Variants in AKAP19 observed in about 807,000 individuals in gnomAD.
The protein encoded by AKAP19 is small A-kinase anchoring protein.
chr2:190,081,331 G>A, the AKAP19 span, among the ~76,000 whole-genome samples: 2 of 151,612 alleles, frequency 1.3e-5, no homozygotes, highest in Non-Finnish European at 2.9e-5. Context: ...ATTTTCATCT[G>A]CATTACAAGA....
the AKAP19 span, among the ~76,000 whole-genome samples, chr2:190,134,007 G>A: frequency 2.6e-5 from 4 of 152,148 alleles, no homozygotes; most frequent in African/African-American, 9.7e-5. Context: ...ACAAATACAT[G>A]AGGTAATACA....
chr2:189,895,432 C>T, the AKAP19 span, among the ~76,000 whole-genome samples: 2 of 152,118 alleles, frequency 1.3e-5, no homozygotes, highest in Non-Finnish European at 2.9e-5. Flanking sequence ...TCTTATATTG[C>T]TTCACTTCTC....
At chr2:189,991,568 T>C in the AKAP19 span, among the ~76,000 whole-genome samples, 1 of 152,196 alleles carries the variant, frequency 6.6e-6, no homozygotes, top group Admixed American at 6.5e-5. Flanking sequence ...TGCTGATTTG[T>C]TTGAATTCTT....
the AKAP19 span, among the ~76,000 whole-genome samples, chr2:189,896,025 A>C: frequency 6.9e-6 from 1 of 145,238 alleles, no homozygotes; most frequent in Non-Finnish European, 1.5e-5. Context: ...AAAAAAAAAA[A>C]CATACTGCTA....
the AKAP19 span, among the ~76,000 whole-genome samples, chr2:190,175,444 A>G: frequency 1.3e-5 from 2 of 152,366 alleles, no homozygotes; most frequent in Admixed American, 1.3e-4. Flanking sequence ...TTACACGGTC[A>G]GGAGATACTA....
At chr2:190,126,453 A>T in the AKAP19 span, among the ~76,000 whole-genome samples, 1 of 151,958 alleles carries the variant, frequency 6.6e-6, no homozygotes, top group Non-Finnish European at 1.5e-5. Flanking sequence ...CTTGAGAAGA[A>T]AAAAAGCTTA....
the AKAP19 span, chr2:190,181,046 G>T: frequency 1.9e-5 from 19 of 985,466 alleles, no homozygotes; most frequent in African/African-American, 3.0e-4. Flanking sequence ...AGCGCAGGCT[G>T]CCTCCGGGAC....
chr2:190,124,595 A>G, the AKAP19 span, among the ~76,000 whole-genome samples: 2 of 152,182 alleles, frequency 1.3e-5, no homozygotes, highest in African/African-American at 4.8e-5. Flanking sequence ...CTGTAGCCCC[A>G]GCTACTCAGA....
the AKAP19 span, chr2:190,199,648 C>T: frequency 2.4e-6 from 3 of 1,233,514 alleles, no homozygotes; most frequent in Non-Finnish European, 2.1e-6. Flanking sequence ...CAATCATACA[C>T]TATTTTGCAT....
the AKAP19 span, among the ~76,000 whole-genome samples, chr2:189,980,281 G>A: frequency 5.3e-5 from 8 of 152,250 alleles, no homozygotes; most frequent in South Asian, 1.7e-3. Flanking sequence ...GTAAATGAAG[G>A]CCATTATCCT....
At chr2:190,092,441 A>G in the AKAP19 span, among the ~76,000 whole-genome samples, 1 of 151,968 alleles carries the variant, frequency 6.6e-6, no homozygotes, top group South Asian at 2.1e-4. Context: ...ACAGGGATCC[A>G]CCGTTTTGTC....
At chr2:190,044,726 T>A in the AKAP19 span, among the ~76,000 whole-genome samples, 1 of 152,208 alleles carries the variant, frequency 6.6e-6, no homozygotes, top group Non-Finnish European at 1.5e-5. Flanking sequence ...TGGGGCCTAG[T>A]TGCCTAGGCC....
the AKAP19 span, among the ~76,000 whole-genome samples, chr2:189,904,745 T>G: frequency 4.6e-5 from 7 of 152,062 alleles, no homozygotes; most frequent in East Asian, 1.3e-3. Context: ...GATAATTTTA[T>G]GTATTACAAA....
chr2:190,133,782 G>A, the AKAP19 span, among the ~76,000 whole-genome samples: 1 of 152,172 alleles, frequency 6.6e-6, no homozygotes, highest in African/African-American at 2.4e-5. Flanking sequence ...TGGACTCTAG[G>A]AGAGTTGAAC....
the AKAP19 span, among the ~76,000 whole-genome samples, chr2:189,915,396 C>G: frequency 6.6e-6 from 1 of 152,100 alleles, no homozygotes; most frequent in Non-Finnish European, 1.5e-5. Flanking sequence ...ATTCCTCTGT[C>G]AGGATAGTCA....
the AKAP19 span, among the ~76,000 whole-genome samples, chr2:190,139,017 T>C: frequency 3.9e-5 from 1 of 25,330 alleles, no homozygotes; most frequent in Admixed American, 6.4e-4. Context: ...TGTGGATTAC[T>C]ATGTGCTAGG....
At chr2:190,091,606 A>T in the AKAP19 span, among the ~76,000 whole-genome samples, 1 of 150,716 alleles carries the variant, frequency 6.6e-6, no homozygotes, top group African/African-American at 2.4e-5. Flanking sequence ...GAGGCCATGT[A>T]ATCTACTTTA....
At chr2:190,203,023 A>G in the AKAP19 span, 3 of 153,244 alleles carry the variant, frequency 2.0e-5, no homozygotes, top group Non-Finnish European at 3.1e-5. Flanking sequence ...TAATCACCTT[A>G]GTCCCAAAGA....
At chr2:190,004,577 C>A in the AKAP19 span, among the ~76,000 whole-genome samples, 8 of 146,092 alleles carry the variant, frequency 5.5e-5, no homozygotes, top group African/African-American at 2.1e-4. Flanking sequence ...TCTTATAAAC[C>A]TTTTTATTTT....
Sources: allele counts gnomAD v4.1 joint callset (sites outside exome capture counted in the v4.1 genomes callset), GRCh38; gene constraint gnomAD v4.1.1; transcripts MANE v1.5; gene names NCBI Gene and HGNC (gene_info 2026-07-23, HGNC 2026-07-21).